The following CNTNAP2 variants were observed in gnomAD, a reference collection of about 807,000 sequenced individuals.
The protein encoded by CNTNAP2 is contactin associated protein 2.
CNTNAP2 carries 98 observed loss-of-function variants against 155.2 expected under a neutral mutation model. The observed-to-expected ratio is 0.63, with a 90% CI of 0.54 to 0.75. CNTNAP2 has a LOEUF of 0.75. Among genes scored for constraint, CNTNAP2 ranks in the 30% least tolerant of loss-of-function variants. The pLI is 0.00. For synonymous variants in CNTNAP2, 651 were observed against 631.2 expected, an observed-to-expected ratio of 1.03 and a Z score of -0.47; for missense variants, 1,727 against 1,688.1, an observed-to-expected ratio of 1.02 and a Z score of -0.40.
chr7:146,880,754 T>C (rs1340089125), intron 3 of CNTNAP2, among the ~76,000 whole-genome samples: 21 of 152,270 alleles, frequency 1.4e-4, no homozygotes. Context: ...GAGAAAAACA[T>C]TTTGTCATCT....
intron 9 of CNTNAP2, among the ~76,000 whole-genome samples, chr7:147,347,994 A>G (rs769657805): frequency 7.9e-5 from 12 of 152,144 alleles, no homozygotes; most frequent in South Asian, 6.2e-4. Flanking sequence ...AAAGAATGAA[A>G]CTAGACCCCC....
chr7:147,149,166 C>T (rs1801776063), intron 8 of CNTNAP2, among the ~76,000 whole-genome samples: 2 of 152,124 alleles, frequency 1.3e-5, no homozygotes, highest in South Asian at 2.1e-4. Context: ...CTGATTGGCC[C>T]ATTTTATGGA....
chr7:146,729,677 A>G (rs1801491166), intron 1 of CNTNAP2, among the ~76,000 whole-genome samples: 1 of 152,064 alleles, frequency 6.6e-6, no homozygotes, highest in South Asian at 2.1e-4. Flanking sequence ...ACTATCCCTT[A>G]TGATCACAGC....
rs185301017 is a variant in CNTNAP2 at position 146,425,262 on chromosome 7, T to C, written c.97+308289T>C. 4.6e-5 allele frequency among the ~76,000 whole-genome samples: 7 copies of C among 152,346 alleles called. No homozygotes were observed. In the East Asian group the frequency reaches 1.4e-3, roughly 29 times the overall value. On this transcript the variant is annotated intron_variant, in intron 1 of 23. Transcript: ENST00000361727. ...TGATTTTTTGGATAGTTTACTATTATGTCATTTGTGTTTTTTGATGAGTAT... is the reference window on the plus strand; with the variant it reads ...TGATTTTTTGGATAGTTTACTATTACGTCATTTGTGTTTTTTGATGAGTAT...
At chr7:146,978,691 T>C (rs1302600410) in intron 3 of CNTNAP2, among the ~76,000 whole-genome samples, 2 of 151,360 alleles carry the variant, frequency 1.3e-5, no homozygotes, top group Non-Finnish European at 2.9e-5. Context: ...CAAATTTAGA[T>C]AATAAGATCA....
chr7:146,428,195 G>T (rs937193528), intron 1 of CNTNAP2, among the ~76,000 whole-genome samples: 6 of 152,078 alleles, frequency 3.9e-5, no homozygotes, highest in Non-Finnish European at 1.5e-5. Context: ...GAATAGTGCT[G>T]CAATGAACAT....
chr7:148,009,755 C>T lies in CNTNAP2; in HGVS notation c.2383+31766C>T, dbSNP rs147170916. On this transcript the variant is annotated intron_variant, in intron 15 of 23. Transcript: ENST00000361727. ...CATTCAAACAATGTTTCTGATTATTCTTATTAATGTATGCAGTCACCGTTT... is the reference window on the plus strand; with the variant it reads ...CATTCAAACAATGTTTCTGATTATTTTTATTAATGTATGCAGTCACCGTTT... 7.3e-3 allele frequency among the ~76,000 whole-genome samples: 1,116 copies of T among 152,128 alleles called. 11 individuals are homozygous for T. Among genetic ancestry groups the T allele is most frequent in the Admixed American group, 0.014 (208 of 15,288 alleles).
chr7:146,781,849 T>C (rs1802496436), intron 2 of CNTNAP2, among the ~76,000 whole-genome samples: 1 of 152,158 alleles, frequency 6.6e-6, no homozygotes, highest in Non-Finnish European at 1.5e-5. Context: ...CTGCAGCTGA[T>C]ATACTATAAA....
intron 1 of CNTNAP2, among the ~76,000 whole-genome samples, chr7:146,733,682 A>G (rs1284528546): frequency 1.3e-5 from 2 of 152,084 alleles, no homozygotes; most frequent in African/African-American, 2.4e-5. Context: ...ATGTGCAGTC[A>G]TGGAGGAAGA....
At chr7:146,709,800 A>C (rs2129174851) in intron 1 of CNTNAP2, among the ~76,000 whole-genome samples, 1 of 152,168 alleles carries the variant, frequency 6.6e-6, no homozygotes, top group East Asian at 1.9e-4. Context: ...GTATCTTGAG[A>C]GGCATACTGG....
At chr7:147,825,843 G>C (rs879427781) in intron 13 of CNTNAP2, among the ~76,000 whole-genome samples, 7 of 152,210 alleles carry the variant, frequency 4.6e-5, no homozygotes, top group South Asian at 2.1e-4. Flanking sequence ...GCCAAGGAAG[G>C]CTTTTTAAAA....
intron 1 of CNTNAP2, among the ~76,000 whole-genome samples, chr7:146,162,727 A>C (rs995215283): frequency 6.6e-6 from 1 of 152,344 alleles, no homozygotes; most frequent in Admixed American, 6.5e-5. Flanking sequence ...TTGCACCACT[A>C]TTCACAATAG....
At chr7:146,994,319 G>T (rs1007520557) in intron 3 of CNTNAP2, among the ~76,000 whole-genome samples, 1 of 152,008 alleles carries the variant, frequency 6.6e-6, no homozygotes, top group African/African-American at 2.4e-5. Context: ...GGAATTTCAT[G>T]AATTGTTTTA....
chr7:146,692,506 A>G (rs1461647210), intron 1 of CNTNAP2, among the ~76,000 whole-genome samples: 2 of 152,180 alleles, frequency 1.3e-5, no homozygotes, highest in African/African-American at 4.8e-5. Context: ...TTTAATTGCA[A>G]GTGCAATTTT....
chr7:147,091,558 T>G (rs1056665820), intron 4 of CNTNAP2, among the ~76,000 whole-genome samples: 2 of 151,860 alleles, frequency 1.3e-5, no homozygotes, highest in Non-Finnish European at 2.9e-5. Context: ...TTCAAAAGAT[T>G]CTCTTGCCTC....
intron 13 of CNTNAP2, among the ~76,000 whole-genome samples, chr7:147,837,662 A>G (rs1470867699): frequency 2.0e-5 from 3 of 152,184 alleles, no homozygotes; most frequent in Admixed American, 6.5e-5. Context: ...CCTAGATACA[A>G]TGAGGGTGCA....
At chr7:147,661,556 T>C (rs1283488450) in intron 13 of CNTNAP2, among the ~76,000 whole-genome samples, 2 of 64,272 alleles carry the variant, frequency 3.1e-5, no homozygotes, top group Non-Finnish European at 5.2e-5. Flanking sequence ...CTTCTTCTTC[T>C]TTTTTTTTTT....
intron 21 of CNTNAP2, among the ~76,000 whole-genome samples, chr7:148,302,874 A>G (rs1797420631): frequency 7.8e-6 from 1 of 127,568 alleles, no homozygotes; most frequent in Non-Finnish European, 1.6e-5. Flanking sequence ...GCTGGAGTGC[A>G]GTGGCAGGAT....
At chr7:147,975,197 C>T (rs1211171997) in intron 14 of CNTNAP2, among the ~76,000 whole-genome samples, 1 of 151,588 alleles carries the variant, frequency 6.6e-6, no homozygotes, top group Admixed American at 6.6e-5. Context: ...GTAGAAGGAG[C>T]TAGGCACAAA....
Sources: allele counts gnomAD v4.1 joint callset (sites outside exome capture counted in the v4.1 genomes callset), GRCh38; gene constraint gnomAD v4.1.1; transcripts MANE v1.5; gene names NCBI Gene and HGNC (gene_info 2026-07-23, HGNC 2026-07-21).